KIAA1671: variants seen among roughly 807,000 people sequenced by gnomAD.
KIAA1671 encodes the protein KIAA1671, also known as uncharacterized protein KIAA1671.
Under a neutral mutation model 131.2 loss-of-function variants are expected in KIAA1671, and 52 were observed. That is an observed-to-expected ratio of 0.40 (90% CI 0.32 to 0.50). The LOEUF (loss-of-function observed/expected upper bound fraction) is 0.50. KIAA1671 is among the 20% of genes least tolerant of loss of function. The pLI is 0.73. For synonymous variants in KIAA1671, 1,003 were observed against 961.6 expected (o/e 1.04, Z -0.80); for missense variants, 2,360 against 2,364.2 (o/e 1.00, Z 0.04).
chr22:25,088,213 TCC>T, intron 6 of KIAA1671, among the ~76,000 whole-genome samples: 1 of 151,820 alleles, frequency 6.6e-6, no homozygotes, highest in Non-Finnish European at 1.5e-5. Flanking sequence ...GTTCAAGCGA[TCC>T]TCGTGCCTCA....
Position 25,181,334 on chromosome 22 carries a change from C to T in KIAA1671, c.5075-365C>T, listed in dbSNP as rs118185970. Among the ~76,000 whole-genome samples, 1,038 of 152,328 alleles carry T rather than the reference C, an allele frequency of 6.8e-3. 8 individuals carry two copies. The highest frequency in any genetic ancestry group is 0.024 in the Middle Eastern group (7 of 294). ...AGCTCTCCACATTCTCCTCTGAGAGCATAACCTCGGTGCATTGTTGGCTGA... is the reference window on the plus strand; with the variant it reads ...AGCTCTCCACATTCTCCTCTGAGAGTATAACCTCGGTGCATTGTTGGCTGA... On this transcript the variant is annotated intron_variant, in intron 9 of 12. Transcript: ENST00000358431.
chr22:25,177,475 C>T lies in KIAA1671; in HGVS notation c.5027C>T (p.Pro1676Leu), dbSNP rs1934076348. ...TTTAGTGAGTCCGAGAGCAGATCAC[C>T]TTTGGAGGATGAGACTGACAACACG... ...SRFSESESRS[P>L]LEDETDNTWM... Residue 1676 changes from proline (P) to leucine (L), a missense_variant, in exon 9 of 13, where the codon CCT becomes CTT. This residue lies in a region of KIAA1671 where 1,161 missense variants were observed against 1,204.7 expected (regional missense o/e 0.96). Coordinates refer to ENST00000358431, the MANE Select transcript of KIAA1671 (RefSeq NM_001145206.2). 2 of 1,551,632 alleles carry T rather than the reference C, an allele frequency of 1.3e-6. No individual in the cohort carries two copies. The highest frequency in any genetic ancestry group is 8.7e-7 in the Non-Finnish European group (1 of 1,146,998).
chr22:24,977,089 T>C (rs1922954288), intron 1 of KIAA1671, among the ~76,000 whole-genome samples: 1 of 152,166 alleles, frequency 6.6e-6, no homozygotes. Flanking sequence ...ACCGAGAGGC[T>C]GCCTGTGAAG....
At chr22:25,019,525 T>A (rs937614384) in intron 1 of KIAA1671, among the ~76,000 whole-genome samples, 5 of 151,620 alleles carry the variant, frequency 3.3e-5, no homozygotes, top group African/African-American at 4.8e-5. Context: ...AAAAAAAAAA[T>A]TGCACAAACA....
intron 6 of KIAA1671, among the ~76,000 whole-genome samples, chr22:25,115,274 C>A (rs1045164619): frequency 3.3e-5 from 5 of 152,154 alleles, no homozygotes; most frequent in Non-Finnish European, 7.3e-5. Flanking sequence ...AACCCAGGAA[C>A]AATGGCAGTG....
At chr22:25,093,744 C>CTCTCTCTTTCTCTCTCTCTCTCTG (rs1930175592) in intron 6 of KIAA1671, among the ~76,000 whole-genome samples, 4 of 104,960 alleles carry the variant, frequency 3.8e-5, no homozygotes, top group South Asian at 3.5e-4. Flanking sequence ...CACACTCTCT[C>CTCTCTCTTTCTCTCTCTCTCTCTG]TCTCTCTCTC....
rs1387276327 is a variant in KIAA1671, at chr22:25,185,138, TG to T, written c.5342+24del. On this transcript the variant is annotated intron_variant, in intron 11 of 12. Transcript: ENST00000358431. The stretch of plus-strand genomic sequence containing the variant: ...ATGAGAGGTGAGGGGTCTTGGGGAA[TG>T]GGGGTCCCTCTCCTTCCAAACTCAG... 6.5e-7 allele frequency: 1 copy of T among 1,531,598 alleles called. No individual in the cohort carries two copies. Among genetic ancestry groups the T allele is most frequent in the African/African-American group, 1.4e-5 (1 of 72,404 alleles). The allele number at this position is 1,531,598 out of a possible 1,614,324, so 94.9% of individuals were successfully genotyped here.
In KIAA1671 at chr22:25,193,514, T is replaced by C. The variant is rs912130124; in HGVS notation, c.*1113T>C. Reference sequence around the variant, plus strand: ...CTTTTGCTCACCTCATTTTCCTTCATCTTTCTTGATGAATCCATTATTTGC... The same window carrying C: ...CTTTTGCTCACCTCATTTTCCTTCACCTTTCTTGATGAATCCATTATTTGC... On this transcript the variant is annotated 3_prime_UTR_variant, in exon 13 of 13. Transcript: ENST00000358431. The C allele has an allele frequency of 8.5e-5, 13 of 152,268 alleles. No homozygotes were observed. The highest frequency in any genetic ancestry group is 8.5e-4 in the Admixed American group (13 of 15,288). The allele number at this position is 152,268 out of a possible 1,614,324, so 9.4% of individuals were successfully genotyped here.
intron 1 of KIAA1671, among the ~76,000 whole-genome samples, chr22:24,975,121 T>A (rs914481590): frequency 1.3e-5 from 2 of 152,180 alleles, no homozygotes; most frequent in African/African-American, 2.4e-5. Flanking sequence ...CCCATACCCA[T>A]TAGTGGTGCC....
chr22:25,101,608 G>A (rs1930679165), intron 6 of KIAA1671, among the ~76,000 whole-genome samples: 1 of 152,148 alleles, frequency 6.6e-6, no homozygotes, highest in African/African-American at 2.4e-5. Flanking sequence ...CTTGGGCTTG[G>A]TTTATAAATA....
chr22:25,024,493 G>A (rs1426586210), intron 1 of KIAA1671: 2 of 152,100 alleles, frequency 1.3e-5, no homozygotes, highest in African/African-American at 4.8e-5. Flanking sequence ...CCCTGGGTGA[G>A]GATTGGTGGA....
rs568958490 is a variant in KIAA1671, at chr22:24,967,744, G to A, written c.-208+14972G>A. ...GCGGTGGCTCACACCTGTAATCCCA[G>A]CACTCTGGGAGGCCAAGGTGGGCGG... On this transcript the variant is annotated intron_variant, in intron 1 of 12. Coordinates refer to ENST00000358431, the MANE Select transcript of KIAA1671 (RefSeq NM_001145206.2). Among the ~76,000 whole-genome samples the A allele has an allele frequency of 1.6e-3, 243 of 152,292 alleles. 2 individuals are homozygous for A. In the Middle Eastern group the frequency reaches 0.02, roughly 13 times the overall value.
intron 6 of KIAA1671, among the ~76,000 whole-genome samples, chr22:25,072,253 CAG>C (rs1373881718): frequency 6.6e-6 from 1 of 152,318 alleles, no homozygotes; most frequent in East Asian, 1.9e-4. Flanking sequence ...TGTGGAGTGA[CAG>C]AGTCACAGCT....
chr22:25,010,939 G>C (rs573030852), intron 1 of KIAA1671: 1 of 152,260 alleles, frequency 6.6e-6, no homozygotes, highest in Admixed American at 6.5e-5. Flanking sequence ...TCATATTCTT[G>C]ATCCAGGTAG....
At chr22:25,047,846 T>C (rs1927333592) in intron 5 of KIAA1671, among the ~76,000 whole-genome samples, 1 of 152,262 alleles carries the variant, frequency 6.6e-6, no homozygotes, top group African/African-American at 2.4e-5. Context: ...TTTATTGTTC[T>C]TTTGTTGTTT....
At chr22:25,138,973 C>G (rs1278488519) in intron 6 of KIAA1671, among the ~76,000 whole-genome samples, 1 of 152,158 alleles carries the variant, frequency 6.6e-6, no homozygotes, top group Non-Finnish European at 1.5e-5. Flanking sequence ...GGTCTTCCCT[C>G]TGAGGGAAAG....
chr22:25,091,589 T>G (rs1476707835), intron 6 of KIAA1671, among the ~76,000 whole-genome samples: 2 of 152,216 alleles, frequency 1.3e-5, no homozygotes, highest in African/African-American at 2.4e-5. Flanking sequence ...GAACATTTCC[T>G]TTAGAAATTT....
At chr22:25,008,334 C>G (rs1002179383) in intron 1 of KIAA1671, among the ~76,000 whole-genome samples, 1 of 152,110 alleles carries the variant, frequency 6.6e-6, no homozygotes, top group Non-Finnish European at 1.5e-5. Context: ...TGCCCTGCCT[C>G]AGCTCACTAT....
At chr22:25,000,675 C>T (rs1924413017) in intron 1 of KIAA1671, among the ~76,000 whole-genome samples, 1 of 151,756 alleles carries the variant, frequency 6.6e-6, no homozygotes. Flanking sequence ...TGCCACCATG[C>T]CTGGATAATT....
Sources: allele counts gnomAD v4.1 joint callset (sites outside exome capture counted in the v4.1 genomes callset), GRCh38; gene constraint gnomAD v4.1.1; regional missense constraint gnomAD v4.1.1; transcripts MANE v1.5; gene names NCBI Gene and HGNC (gene_info 2026-07-23, HGNC 2026-07-21).